CACNA2D3: variants seen among roughly 807,000 people sequenced by gnomAD.
The protein encoded by CACNA2D3 is voltage-dependent calcium channel subunit alpha-2/delta-3.
CACNA2D3 carries 60 observed loss-of-function variants against 160.6 expected under a neutral mutation model. That is an observed-to-expected ratio of 0.37 (90% CI 0.30 to 0.46). CACNA2D3 has a LOEUF of 0.46. CACNA2D3 is among the 20% of genes least tolerant of loss of function. The probability of loss-of-function intolerance (pLI) is 1.00; values close to 1 mark genes in which losing one functional copy is unlikely to be tolerated. For synonymous variants in CACNA2D3, 558 were observed against 492.9 expected (o/e 1.13, Z -1.75); for missense variants, 1,205 against 1,365.0 (o/e 0.88, Z 1.85).
chr3:54,721,103 T>C (rs769594655), intron 11 of CACNA2D3, among the ~76,000 whole-genome samples: 7 of 152,200 alleles, frequency 4.6e-5, no homozygotes, highest in Non-Finnish European at 1.0e-4. Flanking sequence ...CCCTAGAGGT[T>C]ATAACATTTA....
intron 9 of CACNA2D3, among the ~76,000 whole-genome samples, chr3:54,611,823 GA>G (rs1698754523): frequency 6.6e-6 from 1 of 152,168 alleles, no homozygotes; most frequent in Admixed American, 6.5e-5. Flanking sequence ...GCCTATTCCA[GA>G]ATCGCATATT....
At chr3:54,596,469 T>A (rs1284773407) in intron 9 of CACNA2D3, among the ~76,000 whole-genome samples, 1 of 152,182 alleles carries the variant, frequency 6.6e-6, no homozygotes, top group Non-Finnish European at 1.5e-5. Context: ...ACATCCCTGT[T>A]TGCCCAGGGG....
chr3:54,795,030 A>T (rs956359365), intron 13 of CACNA2D3, among the ~76,000 whole-genome samples: 1 of 151,980 alleles, frequency 6.6e-6, no homozygotes, highest in African/African-American at 2.4e-5. Flanking sequence ...TTAACTGCAC[A>T]TTTATTCATC....
At chr3:54,186,625 T>C (rs1292824675) in intron 2 of CACNA2D3, among the ~76,000 whole-genome samples, 2 of 152,324 alleles carry the variant, frequency 1.3e-5, no homozygotes, top group Non-Finnish European at 2.9e-5. Flanking sequence ...TCATACTACA[T>C]GACTGCTCTA....
chr3:54,628,238 A>G (rs1281957679), intron 10 of CACNA2D3, among the ~76,000 whole-genome samples: 2 of 151,898 alleles, frequency 1.3e-5, no homozygotes, highest in African/African-American at 2.4e-5. Flanking sequence ...AAAAAAATAG[A>G]AAAAGAAAAA....
intron 2 of CACNA2D3, among the ~76,000 whole-genome samples, chr3:54,128,096 AC>A (rs1429755416): frequency 6.6e-6 from 1 of 152,066 alleles, no homozygotes; most frequent in African/African-American, 2.4e-5. Context: ...TTGGAGGCAA[AC>A]TTCAAATTTT....
intron 27 of CACNA2D3, among the ~76,000 whole-genome samples, chr3:54,934,540 T>C (rs1381963016): frequency 6.6e-6 from 1 of 152,166 alleles, no homozygotes; most frequent in Non-Finnish European, 1.5e-5. Context: ...ATAAAATTAG[T>C]GGAGTAGTGG....
At chr3:54,863,721 T>A (rs1180694725) in intron 17 of CACNA2D3, among the ~76,000 whole-genome samples, 3 of 151,084 alleles carry the variant, frequency 2.0e-5, no homozygotes, top group Admixed American at 1.3e-4. Flanking sequence ...TTGTTTTTTT[T>A]TAAAAAAAAA....
At chr3:54,783,776 A>G (rs1702578375) in intron 13 of CACNA2D3, among the ~76,000 whole-genome samples, 1 of 152,048 alleles carries the variant, frequency 6.6e-6, no homozygotes, top group Non-Finnish European at 1.5e-5. Context: ...ATATTAAATG[A>G]CAGAAGGAAA....
intron 2 of CACNA2D3, among the ~76,000 whole-genome samples, chr3:54,224,595 A>C (rs1701635864): frequency 6.6e-6 from 1 of 152,186 alleles, no homozygotes; most frequent in African/African-American, 2.4e-5. Context: ...GTTGACTAAA[A>C]TGTTGCTATG....
chr3:54,408,510 C>A (rs1699613834), intron 4 of CACNA2D3, among the ~76,000 whole-genome samples: 1 of 152,118 alleles, frequency 6.6e-6, no homozygotes, highest in Non-Finnish European at 1.5e-5. Context: ...AATAGAAAGA[C>A]CCATCTGCTT....
chr3:54,826,553 G>A (rs1230289114), intron 14 of CACNA2D3, among the ~76,000 whole-genome samples: 1 of 152,150 alleles, frequency 6.6e-6, no homozygotes, highest in Non-Finnish European at 1.5e-5. Flanking sequence ...TGAGCCCTGT[G>A]TGCTTGGATG....
intron 2 of CACNA2D3, among the ~76,000 whole-genome samples, chr3:54,276,147 A>T (rs1702733682): frequency 2.0e-5 from 3 of 151,660 alleles, no homozygotes; most frequent in Admixed American, 6.6e-5. Context: ...TGAGCCCTCT[A>T]CTCTTCCCAA....
chr3:54,560,168 T>G (rs1386108269), intron 5 of CACNA2D3, among the ~76,000 whole-genome samples: 1 of 152,232 alleles, frequency 6.6e-6, no homozygotes, highest in East Asian at 1.9e-4. Flanking sequence ...TACACTGTCT[T>G]CCACAATGGT....
intron 14 of CACNA2D3, among the ~76,000 whole-genome samples, chr3:54,830,922 TGAAAG>T (rs987931022): frequency 3.3e-5 from 5 of 152,218 alleles, no homozygotes; most frequent in East Asian, 1.9e-4. Context: ...TCGCAGGTGT[TGAAAG>T]GAAGCTAGCA....
rs1000360149 is a variant in CACNA2D3, at chr3:54,239,406, G to T, written c.205-81036G>T. Among the ~76,000 whole-genome samples the T allele has an allele frequency of 1.3e-5, 2 of 152,214 alleles. 1 individual carries two copies. Among genetic ancestry groups the T allele is most frequent in the Admixed American group, 1.3e-4 (2 of 15,278 alleles). On this transcript the variant is annotated intron_variant, in intron 2 of 37. Coordinates refer to ENST00000474759, the MANE Select transcript of CACNA2D3 (RefSeq NM_018398.3). ...TAGCCTTTAGAGATTTTATAATTCA[G>T]ATGGAGAGACAAGATATATATTCAT...
intron 15 of CACNA2D3, among the ~76,000 whole-genome samples, chr3:54,838,177 A>G (rs1204154171): frequency 6.6e-6 from 1 of 152,230 alleles, no homozygotes; most frequent in Non-Finnish European, 1.5e-5. Flanking sequence ...AAATTGAGAA[A>G]GCAGTTAACA....
rs1477318137 is a variant in CACNA2D3, at chr3:54,288,893, G to T, written c.205-31549G>T. Among the ~76,000 whole-genome samples the T allele has an allele frequency of 7.8e-4, 119 of 151,926 alleles. 2 individuals carry two copies. The highest frequency in any genetic ancestry group is 1.6e-3 in the Admixed American group (25 of 15,238). ...AACAACCTTCATGCTAAAAACTCAA[G>T]AAATTAGGTATTGATGGGACGTATC... On this transcript the variant is annotated intron_variant, in intron 2 of 37. Transcript: ENST00000474759.
intron 21 of CACNA2D3, among the ~76,000 whole-genome samples, chr3:54,881,068 G>T (rs1224634021): frequency 6.6e-6 from 1 of 152,078 alleles, no homozygotes; most frequent in Non-Finnish European, 1.5e-5. Flanking sequence ...CAGGAGTTCC[G>T]ATTCATGGTT....
Sources: allele counts gnomAD v4.1 joint callset (sites outside exome capture counted in the v4.1 genomes callset), GRCh38; gene constraint gnomAD v4.1.1; transcripts MANE v1.5; gene names NCBI Gene and HGNC (gene_info 2026-07-23, HGNC 2026-07-21).